Variants in ANLN observed in about 807,000 individuals in gnomAD.
ANLN encodes the protein anillin.
A neutral mutation model predicts 135.1 loss-of-function variants in ANLN; 59 were observed. That is an observed-to-expected ratio of 0.44 (90% CI 0.35 to 0.54). The LOEUF (loss-of-function observed/expected upper bound fraction) is 0.54. Ranked by LOEUF, ANLN falls within the 20% of genes least tolerant of loss-of-function variation. The probability of loss-of-function intolerance (pLI) is 0.00; values close to 1 mark genes in which losing one functional copy is unlikely to be tolerated. For missense variants in ANLN, 1,182 were observed against 1,340.0 expected (o/e 0.88, Z 1.84); for synonymous variants, 406 against 456.4 (o/e 0.89, Z 1.41).
intron 21 of ANLN, 81 bp downstream of exon 21, chr7:36,439,371 T>C (rs375165874): frequency 2.8e-5 from 23 of 818,952 alleles, no homozygotes; most frequent in South Asian, 2.4e-4. Flanking sequence ...AATGAAATCC[T>C]TTGTGATTAA....
intron 21 of ANLN, among the ~76,000 whole-genome samples, 183 bp downstream of exon 21, chr7:36,439,473 T>C (rs1788676950): frequency 6.6e-6 from 1 of 152,242 alleles, no homozygotes; most frequent in African/African-American, 2.4e-5. Context: ...CAAAAAATAA[T>C]TCCTCTGCTC....
Position 36,396,254 on chromosome 7 carries a change from T to G in ANLN, c.19-12T>G, listed in dbSNP as rs1346687892. 1 of 1,566,348 alleles carries G rather than the reference T, an allele frequency of 6.4e-7. No individual in the cohort carries two copies. Among genetic ancestry groups the G allele is most frequent in the Non-Finnish European group, 8.7e-7 (1 of 1,154,846 alleles). ...AACTTGTGTTTTAACACTGATATAT[T>G]TATTTATGTAGAAACTGCTGGAGCG... On this transcript the variant is annotated splice_polypyrimidine_tract_variant and intron_variant, in intron 1 of 23. Transcript: ENST00000265748.
intron 1 of ANLN, among the ~76,000 whole-genome samples, chr7:36,392,635 T>A (rs1786526941): frequency 6.6e-6 from 1 of 151,590 alleles, no homozygotes; most frequent in African/African-American, 2.4e-5. Context: ...GCTACTTACA[T>A]TTATTGAGCT....
At chr7:36,434,440 T>C (rs1548815) in intron 20 of ANLN, among the ~76,000 whole-genome samples, 148,908 of 152,316 alleles carry the variant, frequency 0.98, 72,879 homozygotes, top group East Asian at 1. Context: ...TACCTCAGCC[T>C]GGGCTCAACC....
rs1201357557 is a variant in ANLN, at chr7:36,389,947, C to T, written c.-80C>T. On this transcript the variant is annotated 5_prime_UTR_variant, in exon 1 of 24. Coordinates refer to ENST00000265748, the MANE Select transcript of ANLN (RefSeq NM_018685.5). The stretch of plus-strand genomic sequence containing the variant: ...CAGACTCCTGGTTTTTTCCAGGAGA[C>T]ACACTGAGCTGAGACTCACTTTTCT... 6.2e-7 allele frequency: 1 copy of T among 1,613,072 alleles called. No individual in the cohort carries two copies. The highest frequency in any genetic ancestry group is 1.3e-5 in the African/African-American group (1 of 74,792).
chr7:36,440,051 G>A (rs1562819328), intron 21 of ANLN, among the ~76,000 whole-genome samples: 3 of 152,190 alleles, frequency 2.0e-5, no homozygotes. Context: ...CACCAATGTG[G>A]GAAATTTTAA....
rs766697251 is a variant in ANLN, at chr7:36,420,299, G to A, written c.2000G>A (p.Arg667His). Residue 667 changes from arginine to histidine, a missense_variant, in exon 11 of 24, where the codon CGT becomes CAT. Coordinates refer to ENST00000265748, the MANE Select transcript of ANLN (RefSeq NM_018685.5). Reference protein sequence around the residue: ...ESGDSLGSEDRDLLYSIDAYR... With the variant: ...ESGDSLGSEDHDLLYSIDAYR... ...GGTGATAGCCTTGGTTCTGAAGATC[G>A]TGATCTTCTTTACAGGTAAGAACAT... 19 of 1,613,918 alleles carry A rather than the reference G, an allele frequency of 1.2e-5. 1 individual carries two copies. The highest frequency in any genetic ancestry group is 3.3e-4 in the Middle Eastern group (2 of 6,056).
At chr7:36,432,305 G>T (rs1402583606) in intron 20 of ANLN, among the ~76,000 whole-genome samples, 1 of 152,126 alleles carries the variant, frequency 6.6e-6, no homozygotes, top group Admixed American at 6.5e-5. Flanking sequence ...TGGTGTCTGG[G>T]AACTCATCTC....
intron 14 of ANLN, among the ~76,000 whole-genome samples, chr7:36,423,099 A>G (rs1787946301): frequency 1.3e-5 from 2 of 152,218 alleles, no homozygotes; most frequent in South Asian, 4.1e-4. Flanking sequence ...TGTGGAACAC[A>G]AATTTTTTTG....
intron 21 of ANLN, 152 bp from the exon 22 acceptor site, chr7:36,443,603 A>G (rs1788866736): frequency 5.3e-6 from 3 of 567,948 alleles, no homozygotes; most frequent in East Asian, 5.9e-5. Flanking sequence ...GATTTTTATT[A>G]TTAAGATAAA....
intron 20 of ANLN, chr7:36,428,212 A>C (rs1204898904): frequency 5.5e-6 from 3 of 546,128 alleles, no homozygotes; most frequent in South Asian, 2.3e-5. Context: ...TAATTTTAAA[A>C]ATTTTTGTAA....
At chr7:36,410,789 T>C in intron 6 of ANLN, 85 bp downstream of exon 6, 2 of 1,351,482 alleles carry the variant, frequency 1.5e-6, no homozygotes, top group Middle Eastern at 1.9e-4. Flanking sequence ...TGCCAGTCTT[T>C]TTGACTGAGA....
intron 21 of ANLN, among the ~76,000 whole-genome samples, chr7:36,442,744 G>T (rs557998535): frequency 1.9e-3 from 282 of 152,036 alleles, no homozygotes; most frequent in Non-Finnish European, 3.2e-3. Context: ...CCATTCTCCT[G>T]CCTCAGCCTC....
chr7:36,411,291 G>A (rs191497490), intron 7 of ANLN, 125 bp downstream of exon 7: 122 of 720,696 alleles, frequency 1.7e-4, no homozygotes, highest in African/African-American at 1.4e-3. Context: ...GTCACTTTTC[G>A]TTTATAAATC....
At chr7:36,449,616 A>G (rs1789161104) in intron 22 of ANLN, 49 bp from the exon 23 acceptor site, 1 of 1,450,422 alleles carries the variant, frequency 6.9e-7, no homozygotes, top group Non-Finnish European at 9.4e-7. Context: ...ATGCTTACTG[A>G]CTTAAATAGT....
chr7:36,421,770 C>A, intron 12 of ANLN, 87 bp from the exon 13 acceptor site: 1 of 1,253,014 alleles, frequency 8.0e-7, no homozygotes, highest in Non-Finnish European at 1.1e-6. Context: ...TAGAAACTAT[C>A]CAATCAAGTT....
intron 9 of ANLN, among the ~76,000 whole-genome samples, chr7:36,417,674 CTTTTT>C (rs70977138): frequency 0.044 from 4,233 of 97,184 alleles, 77 homozygotes; most frequent in African/African-American, 0.075. Flanking sequence ...CTCAAACTTC[CTTTTT>C]TTTTTTTTTT....
chr7:36,440,428 G>A (rs1788719306), intron 21 of ANLN, among the ~76,000 whole-genome samples: 1 of 152,208 alleles, frequency 6.6e-6, no homozygotes, highest in Non-Finnish European at 1.5e-5. Flanking sequence ...ATGCTAGACT[G>A]CAAATGGGTC....
chr7:36,452,085 G>C (rs928516028), intron 23 of ANLN, among the ~76,000 whole-genome samples: 2 of 152,226 alleles, frequency 1.3e-5, no homozygotes, highest in African/African-American at 4.8e-5. Context: ...ACCTGACTCT[G>C]AAGGTTATAT....
Sources: gnomAD v4.1 joint callset for allele counts (sites outside exome capture counted in the v4.1 genomes callset) on GRCh38, gnomAD v4.1.1 for gene constraint, MANE v1.5 for transcripts, NCBI Gene and HGNC (gene_info 2026-07-23, HGNC 2026-07-21) for gene names.